The following USP34 variants were observed in gnomAD, a reference collection of about 807,000 sequenced individuals.
The protein encoded by USP34 is ubiquitin carboxyl-terminal hydrolase 34.
In USP34, 70 loss-of-function variants were observed where a neutral mutation model predicts 460.3. The ratio of observed to expected loss-of-function variants is 0.15; its 90% confidence interval spans 0.13 to 0.19. The LOEUF is 0.19. Ranked by LOEUF, USP34 falls within the 10% of genes least tolerant of loss-of-function variation. USP34 has a pLI of 1.00. For synonymous variants in USP34, 1,647 were observed against 1,405.3 expected (o/e 1.17, Z -3.85); for missense variants, 3,985 against 4,236.2 (o/e 0.94, Z 1.65).
At chr2:61,322,406 G>A (rs1332762425) in intron 21 of USP34, among the ~76,000 whole-genome samples, 2 of 152,178 alleles carry the variant, frequency 1.3e-5, no homozygotes, top group African/African-American at 4.8e-5. Context: ...ATGCCCCAGT[G>A]TGGCAGAAGA....
chr2:61,221,629 T>A (rs1687589152), intron 65 of USP34, 23 bp from the exon 66 acceptor site: 1 of 1,607,508 alleles, frequency 6.2e-7, no homozygotes, highest in Admixed American at 1.7e-5. Flanking sequence ...TACATGACTG[T>A]GTATTTAGAT....
intron 1 of USP34, among the ~76,000 whole-genome samples, chr2:61,426,918 C>A (rs910350820): frequency 6.6e-6 from 1 of 152,170 alleles, no homozygotes; most frequent in Admixed American, 6.5e-5. Context: ...ACCTGGTAAT[C>A]CACAAATTAT....
At chr2:61,202,586 A>G (rs1215073746) in intron 75 of USP34, among the ~76,000 whole-genome samples, 1 of 152,172 alleles carries the variant, frequency 6.6e-6, no homozygotes, top group Non-Finnish European at 1.5e-5. Flanking sequence ...CCGCCACATA[A>G]TTCACTGATG....
chr2:61,277,348 C>CA (rs768009774), intron 41 of USP34, among the ~76,000 whole-genome samples: 1 of 151,816 alleles, frequency 6.6e-6, no homozygotes, highest in South Asian at 2.1e-4. Flanking sequence ...GCAATCCTCC[C>CA]ACCTCAGCCT....
chr2:61,451,934 G>C (rs1197411090), intron 1 of USP34, among the ~76,000 whole-genome samples: 1 of 152,130 alleles, frequency 6.6e-6, no homozygotes, highest in African/African-American at 2.4e-5. Context: ...CCAGCACTTT[G>C]GGAGGCTGAG....
rs557050655 is a variant in USP34 at position 61,216,939 on chromosome 2, G to C, written c.8048-2245C>G. Among the ~76,000 whole-genome samples the C allele has an allele frequency of 1.3e-3, 198 of 147,222 alleles. 1 individual carries two copies. Among genetic ancestry groups the C allele is most frequent in the African/African-American group, 4.7e-3 (187 of 39,796 alleles). ...TCTCAAAAAGAAAAAAAAAAAAAAA[G>C]TCATTTGGTGTGAGTTATATACTTT... On this transcript the variant is annotated intron_variant, in intron 67 of 79. Transcript: ENST00000398571.
chr2:61,337,589 G>C (rs1691462244), intron 18 of USP34, among the ~76,000 whole-genome samples: 2 of 151,960 alleles, frequency 1.3e-5, no homozygotes, highest in African/African-American at 4.8e-5. Context: ...CAAGTAGCTG[G>C]GACTACAGGC....
At chr2:61,387,984 A>G (rs1032701026) in intron 5 of USP34, among the ~76,000 whole-genome samples, 7 of 151,580 alleles carry the variant, frequency 4.6e-5, no homozygotes, top group African/African-American at 1.7e-4. Flanking sequence ...TATAAAAAAA[A>G]GGCCAGGTGG....
intron 10 of USP34, among the ~76,000 whole-genome samples, chr2:61,363,556 A>C (rs1276163725): frequency 6.6e-6 from 1 of 152,254 alleles, no homozygotes; most frequent in Non-Finnish European, 1.5e-5. Context: ...TAACACAGAA[A>C]AAGTAATTTG....
intron 35 of USP34, 145 bp from the exon 36 acceptor site, chr2:61,283,594 AGT>A (rs751951182): frequency 2.7e-6 from 2 of 740,980 alleles, no homozygotes; most frequent in Non-Finnish European, 4.3e-6. Flanking sequence ...TGAGAGTGAG[AGT>A]GAGAGAGAGT....
chr2:61,329,178 C>G (rs1157957586), intron 20 of USP34, among the ~76,000 whole-genome samples: 3 of 151,828 alleles, frequency 2.0e-5, no homozygotes, highest in Admixed American at 6.6e-5. Context: ...TGCGCCACCA[C>G]GCCTGCCTTT....
intron 2 of USP34, among the ~76,000 whole-genome samples, chr2:61,411,530 A>T (rs957336848): frequency 6.6e-6 from 1 of 152,168 alleles, no homozygotes. Flanking sequence ...ACTTCTTTTA[A>T]ATGTCTTTTT....
Position 61,187,868 on chromosome 2 carries a change from TTAATTACA to T in USP34, c.*226_*233del, listed in dbSNP as rs1686482538. The T allele has an allele frequency of 1.5e-6, 2 of 1,337,786 alleles. No homozygotes were observed. Among genetic ancestry groups the T allele is most frequent in the Non-Finnish European group, 9.7e-7 (1 of 1,035,132 alleles). The allele number at this position is 1,337,786 out of a possible 1,614,324, so 82.9% of individuals were successfully genotyped here. A position where few individuals can be genotyped will look rare whatever the true frequency, so the allele number is the denominator to read the frequency against. ...AAATGAAAGCCACTAAAGTGAACTC[TTAATTACA>T]TAAAACATATCCATTATCTGATTGC... On this transcript the variant is annotated 3_prime_UTR_variant, in exon 80 of 80. Transcript: ENST00000398571.
chr2:61,451,211 GCTT>G (rs1469834590), intron 1 of USP34, among the ~76,000 whole-genome samples: 1 of 77,444 alleles, frequency 1.3e-5, no homozygotes, highest in Non-Finnish European at 2.4e-5. Flanking sequence ...ACAGTGTGAG[GCTT>G]CATCTCAAAA....
intron 41 of USP34, among the ~76,000 whole-genome samples, chr2:61,271,340 A>C (rs1484928211): frequency 6.6e-6 from 1 of 152,168 alleles, no homozygotes. Context: ...TGATCTTCTA[A>C]ATCTCTGATG....
At chr2:61,454,916 C>T (rs1157413462) in intron 1 of USP34, among the ~76,000 whole-genome samples, 1 of 141,328 alleles carries the variant, frequency 7.1e-6, no homozygotes, top group East Asian at 2.1e-4. Context: ...TCTCACTAGT[C>T]GCCCAGACTG....
rs1380178595 is a variant in USP34 at position 61,204,176 on chromosome 2, C to T, written c.9384+80G>A. On this transcript the variant is annotated intron_variant, in intron 74 of 79. Transcript: ENST00000398571. The stretch of plus-strand genomic sequence containing the variant: ...CACAAAATTGGTCACTTAAGTCTAA[C>T]CTATTCATAACTGCCAGGGGAAAAA... 6.9e-6 allele frequency: 11 copies of T among 1,584,848 alleles called. No individual in the cohort carries two copies. The East Asian group carries it at 1.6e-4, about 23-fold the overall frequency.
At chr2:61,388,576 G>A (rs1254763818) in intron 5 of USP34, among the ~76,000 whole-genome samples, 3 of 151,722 alleles carry the variant, frequency 2.0e-5, no homozygotes, top group Admixed American at 6.6e-5. Flanking sequence ...CTAACACGGT[G>A]AAACCCTGCC....
intron 27 of USP34, among the ~76,000 whole-genome samples, chr2:61,308,243 C>T (rs1690475154): frequency 6.6e-6 from 1 of 151,444 alleles, no homozygotes; most frequent in Non-Finnish European, 1.5e-5. Flanking sequence ...ATGTAGACAC[C>T]AACAGAATGA....
Sources: allele counts gnomAD v4.1 joint callset (sites outside exome capture counted in the v4.1 genomes callset), GRCh38; gene constraint gnomAD v4.1.1; transcripts MANE v1.5; gene names NCBI Gene and HGNC (gene_info 2026-07-23, HGNC 2026-07-21).